The following S100Z variants were observed in gnomAD, a reference collection of about 807,000 sequenced individuals.
S100Z encodes protein S100-Z.
A neutral mutation model predicts 8.5 loss-of-function variants in S100Z; 11 were observed. The observed-to-expected ratio is 1.30, with a 90% confidence interval of 0.82 to 2.15. The LOEUF is 2.15. Among genes scored for constraint, S100Z ranks in the 30% most tolerant of loss-of-function variants. The probability of loss-of-function intolerance (pLI) is 0.00; values close to 1 mark genes in which losing one functional copy is unlikely to be tolerated. For missense variants in S100Z, 126 were observed against 117.9 expected (o/e 1.07, Z -0.32); for synonymous variants, 34 against 43.8 (o/e 0.78, Z 0.89).
At chr5:76,919,806 C>G (rs1400180887) in intron 4 of S100Z, among the ~76,000 whole-genome samples, 8 of 151,786 alleles carry the variant, frequency 5.3e-5, no homozygotes, top group African/African-American at 1.9e-4. Flanking sequence ...ATCTCATCAT[C>G]CTTCCCAGGC....
At chr5:76,890,361 C>T (rs142769444) in intron 4 of S100Z, among the ~76,000 whole-genome samples, 40 of 152,136 alleles carry the variant, frequency 2.6e-4, no homozygotes, top group African/African-American at 8.9e-4. Flanking sequence ...TCTTTTTCCC[C>T]CAAAGATAGT....
At chr5:76,947,364 C>T in the S100Z span, among the ~76,000 whole-genome samples, 1 of 152,218 alleles carries the variant, frequency 6.6e-6, no homozygotes, top group South Asian at 2.1e-4. Flanking sequence ...ATTAGAATTT[C>T]ATTCAAAAGC....
chr5:76,880,452 G>T (rs1393082529), intron 4 of S100Z, among the ~76,000 whole-genome samples: 2 of 152,148 alleles, frequency 1.3e-5, no homozygotes, highest in Non-Finnish European at 1.5e-5. Context: ...GGGCTGCTTC[G>T]AGCAGGATTA....
chr5:76,877,523 T>C (rs948324424), intron 3 of S100Z, 151 bp from the exon 4 acceptor site: 6 of 586,078 alleles, frequency 1.0e-5, no homozygotes, highest in Non-Finnish European at 1.8e-5. Flanking sequence ...TCGTGGCTGG[T>C]TTACACCTAC....
At chr5:76,888,319 T>C (rs1295171118) in intron 4 of S100Z, among the ~76,000 whole-genome samples, 35 of 141,688 alleles carry the variant, frequency 2.5e-4, no homozygotes, top group Non-Finnish European at 5.2e-4. Flanking sequence ...GGAAAAGGGG[T>C]CCTTGGGAAG....
chr5:76,920,739 G>C lies in S100Z; in HGVS notation c.*25G>C, dbSNP rs553651020. ...CAGGAAGTTCGTGAATGCTAATCAA[G>C]GGCTAAATAAAGTGGAAAGCAGCAT... On this transcript the variant is annotated 3_prime_UTR_variant, in exon 5 of 5. Transcript: ENST00000317593. 8.5e-5 allele frequency: 13 copies of C among 152,354 alleles called. No individual in the cohort carries two copies. The highest frequency in any genetic ancestry group is 3.1e-4 in the African/African-American group (13 of 41,578). 9.4% of individuals were successfully genotyped at this position (152,354 alleles called of 1,614,324 possible).
intron 1 of S100Z, among the ~76,000 whole-genome samples, chr5:76,850,851 C>A (rs910544049): frequency 9.9e-5 from 15 of 152,138 alleles, no homozygotes; most frequent in African/African-American, 3.6e-4. Flanking sequence ...TGGAGTTTCA[C>A]TCTGTCACCC....
At chr5:76,917,577 C>G (rs563806929) in intron 4 of S100Z, among the ~76,000 whole-genome samples, 1 of 152,226 alleles carries the variant, frequency 6.6e-6, no homozygotes, top group Non-Finnish European at 1.5e-5. Context: ...CCTCTAATCC[C>G]AGCACTTTTG....
chr5:76,895,728 G>GT (rs1744009831), intron 4 of S100Z, among the ~76,000 whole-genome samples: 1 of 148,938 alleles, frequency 6.7e-6, no homozygotes, highest in African/African-American at 2.5e-5. Flanking sequence ...AATATAGAGG[G>GT]GTTTTTTTGC....
At chr5:76,940,409 CT>C in the S100Z span, among the ~76,000 whole-genome samples, 91 of 147,950 alleles carry the variant, frequency 6.2e-4, no homozygotes, top group African/African-American at 1.8e-3. Context: ...CAATTTTTTT[CT>C]TTTTTTTTTT....
intron 1 of S100Z, among the ~76,000 whole-genome samples, chr5:76,862,671 G>T (rs555341175): frequency 6.6e-6 from 1 of 151,972 alleles, no homozygotes; most frequent in Non-Finnish European, 1.5e-5. Flanking sequence ...GCACGGTGGC[G>T]CATTCCTGTA....
At chr5:76,885,388 G>T (rs1743572937) in intron 4 of S100Z, among the ~76,000 whole-genome samples, 1 of 148,328 alleles carries the variant, frequency 6.7e-6, no homozygotes, top group Non-Finnish European at 1.5e-5. Flanking sequence ...AGGAAAGTGG[G>T]AATGAGGTGG....
At chr5:76,909,408 A>G (rs1475133459) in intron 4 of S100Z, among the ~76,000 whole-genome samples, 2 of 152,162 alleles carry the variant, frequency 1.3e-5, no homozygotes. Context: ...AAATTACAAT[A>G]CTATCCTGCA....
At chr5:76,902,628 GTTTTTTTTGTT>G (rs1257508617) in intron 4 of S100Z, among the ~76,000 whole-genome samples, 13 of 148,570 alleles carry the variant, frequency 8.8e-5, no homozygotes, top group African/African-American at 3.0e-4. Context: ...ATGAAGGTGG[GTTTTTTTTGTT>G]TTTTTTTTGT....
At chr5:76,869,637 A>G (rs1428950400) in intron 1 of S100Z, among the ~76,000 whole-genome samples, 1 of 152,184 alleles carries the variant, frequency 6.6e-6, no homozygotes, top group East Asian at 1.9e-4. Context: ...AAAGAGCAGT[A>G]AGGAAGCCAC....
chr5:76,867,139 C>T (rs972780238), intron 1 of S100Z, among the ~76,000 whole-genome samples: 5 of 152,126 alleles, frequency 3.3e-5, no homozygotes, highest in African/African-American at 1.2e-4. Context: ...ATTTAAAATA[C>T]ACACTTTGGT....
intron 1 of S100Z, among the ~76,000 whole-genome samples, chr5:76,851,962 TTGTC>T (rs1750740677): frequency 6.6e-6 from 1 of 152,154 alleles, no homozygotes; most frequent in African/African-American, 2.4e-5. Context: ...AGTCTTATGT[TTGTC>T]TGTTGGGTTT....
the S100Z span, among the ~76,000 whole-genome samples, chr5:76,926,871 C>T: frequency 2.0e-5 from 3 of 152,178 alleles, no homozygotes; most frequent in African/African-American, 4.8e-5. Flanking sequence ...GCCTTAGAAA[C>T]GTCTGTATAA....
chr5:76,856,388 TG>T (rs577824859), intron 1 of S100Z, among the ~76,000 whole-genome samples: 223 of 152,258 alleles, frequency 1.5e-3, no homozygotes, highest in Non-Finnish European at 2.4e-3. Flanking sequence ...TTAGTAGAGA[TG>T]GGGTTTTGCC....
Sources: allele counts gnomAD v4.1 joint callset (sites outside exome capture counted in the v4.1 genomes callset), GRCh38; gene constraint gnomAD v4.1.1; transcripts MANE v1.5; gene names NCBI Gene and HGNC (gene_info 2026-07-23, HGNC 2026-07-21).